LRRD1: variants seen among roughly 807,000 people sequenced by gnomAD.
LRRD1 encodes the protein leucine rich repeats and death domain containing 1, also known as leucine-rich repeat and death domain-containing protein 1.
A neutral mutation model predicts 69.5 loss-of-function variants in LRRD1; 49 were observed. That is an observed-to-expected ratio of 0.70 (90% confidence interval 0.56 to 0.89). The LOEUF (loss-of-function observed/expected upper bound fraction) is 0.89. Among genes scored for constraint, LRRD1 ranks in the 40% least tolerant of loss-of-function variants. LRRD1 has a pLI of 0.00. For synonymous variants in LRRD1, 303 were observed against 338.9 expected (o/e 0.89, Z 1.16); for missense variants, 853 against 956.0 (o/e 0.89, Z 1.42).
chr7:92,167,998 A>C (rs144417496), intron 1 of LRRD1, among the ~76,000 whole-genome samples: 138 of 151,808 alleles, frequency 9.1e-4, no homozygotes, highest in African/African-American at 3.2e-3. Context: ...TAAAATTGAC[A>C]CCACAAAAGC....
rs199560105 is a variant in LRRD1 at position 92,150,958 on chromosome 7, T to C, written c.2117-263A>G. 3.3e-5 allele frequency among the ~76,000 whole-genome samples: 5 copies of C among 152,360 alleles called. No homozygotes were observed. In the East Asian group the frequency reaches 9.6e-4, roughly 29 times the overall value. The stretch of plus-strand genomic sequence containing the variant: ...ACAGCAAAGAACTTTATAGAGTGGA[T>C]GTGATGGTAATTTTTAAACTAAACT... On this transcript the variant is annotated intron_variant, in intron 3 of 5. Transcript: ENST00000458448.
At chr7:92,178,130 G>C (rs1490904788) in intron 1 of LRRD1, among the ~76,000 whole-genome samples, 1 of 152,038 alleles carries the variant, frequency 6.6e-6, no homozygotes, top group East Asian at 1.9e-4. Flanking sequence ...TGGCTAACAC[G>C]GTGAAACCCC....
rs1788741921 is a variant in LRRD1, at chr7:92,159,068, G to T, written c.2053C>A (p.Gln685Lys). ...AAAGATGGTGGAAGATAACTTATTT[G>T]ATTATTGTATGCATGTAAACTAACC... ...NLVSLHAYNNQISYLPPSLLS... is the reference protein window; with the variant it reads ...NLVSLHAYNNKISYLPPSLLS... Residue 685 changes from glutamine (Q) to lysine (K), a missense_variant, in exon 3 of 6, where the codon CAA (glutamine) becomes AAA (lysine). Around this residue, in one of 3 missense-constraint regions of LRRD1, gnomAD observed 739 missense variants for 808.0 expected, o/e 0.91. Transcript: ENST00000458448. 1.3e-6 allele frequency: 2 copies of T among 1,546,032 alleles called. No homozygotes were observed. The highest frequency in any genetic ancestry group is 1.2e-5 in the South Asian group (1 of 82,536).
At chr7:92,168,809 G>C (rs1164892307) in intron 1 of LRRD1, among the ~76,000 whole-genome samples, 1 of 152,152 alleles carries the variant, frequency 6.6e-6, no homozygotes, top group South Asian at 2.1e-4. Flanking sequence ...AGAAATAACA[G>C]CAATCAGGGA....
intron 4 of LRRD1, among the ~76,000 whole-genome samples, chr7:92,147,039 G>A (rs781426261): frequency 4.0e-5 from 6 of 150,972 alleles, no homozygotes; most frequent in Non-Finnish European, 7.4e-5. Flanking sequence ...CACTTAAAAT[G>A]GCTGTTGAAA....
chr7:92,156,518 T>C (rs1788661255), intron 3 of LRRD1, among the ~76,000 whole-genome samples: 1 of 152,238 alleles, frequency 6.6e-6, no homozygotes, highest in Admixed American at 6.5e-5. Context: ...ATCTTATATG[T>C]AATTTGTTAG....
intron 1 of LRRD1, among the ~76,000 whole-genome samples, chr7:92,165,906 G>C (rs1420718512): frequency 6.6e-6 from 1 of 150,590 alleles, no homozygotes; most frequent in Non-Finnish European, 1.5e-5. Context: ...GGGAGAGCCA[G>C]TGGCCTACCA....
chr7:92,178,242 G>A (rs1789238646), intron 1 of LRRD1, among the ~76,000 whole-genome samples: 1 of 152,108 alleles, frequency 6.6e-6, no homozygotes, highest in African/African-American at 2.4e-5. Context: ...GAACCCGGGC[G>A]GTGGAGGTTG....
At chr7:92,152,545 C>G (rs1820498096) in intron 3 of LRRD1, among the ~76,000 whole-genome samples, 1 of 152,040 alleles carries the variant, frequency 6.6e-6, no homozygotes, top group African/African-American at 2.4e-5. Context: ...GTATGTACAA[C>G]TATATAAGAA....
chr7:92,153,303 G>A (rs1002142245), intron 3 of LRRD1, among the ~76,000 whole-genome samples: 2 of 151,786 alleles, frequency 1.3e-5, no homozygotes, highest in African/African-American at 4.8e-5. Flanking sequence ...GACCTCAAGC[G>A]ATCCACCTGC....
At chr7:92,149,958 G>T in intron 4 of LRRD1, 1 of 455,020 alleles carries the variant, frequency 2.2e-6, no homozygotes, top group Non-Finnish European at 4.4e-6. Flanking sequence ...ACCTATTGAA[G>T]GGCATTAAGG....
intron 4 of LRRD1, among the ~76,000 whole-genome samples, chr7:92,146,924 TAA>T (rs368643858): frequency 2.1e-4 from 25 of 119,460 alleles, no homozygotes; most frequent in Non-Finnish European, 2.3e-4. Context: ...CTCCGTCTCA[TAA>T]AAAAAAAAAA....
chr7:92,156,342 A>C (rs1271424337), intron 3 of LRRD1, among the ~76,000 whole-genome samples: 1 of 152,216 alleles, frequency 6.6e-6, no homozygotes, highest in Non-Finnish European at 1.5e-5. Context: ...GTTTTCTGAA[A>C]CAAAAAACTC....
At chr7:92,147,525 T>G (rs1380214212) in intron 4 of LRRD1, among the ~76,000 whole-genome samples, 2 of 149,116 alleles carry the variant, frequency 1.3e-5, no homozygotes. Flanking sequence ...GTGGAGAATA[T>G]GGGCAAAAAT....
chr7:92,144,397 G>A (rs1820258882), downstream of LRRD1, among the ~76,000 whole-genome samples: 1 of 152,124 alleles, frequency 6.6e-6, no homozygotes. Flanking sequence ...GGGAGGCCCA[G>A]GCGGGCAGAT....
At chr7:92,176,944 G>GTA (rs57132257) in intron 1 of LRRD1, among the ~76,000 whole-genome samples, 2,012 of 142,504 alleles carry the variant, frequency 0.014, 21 homozygotes, top group African/African-American at 0.037. Context: ...GTTTGTGTGT[G>GTA]TATATATATA....
In LRRD1 at chr7:92,164,353, C is replaced by A. The variant is rs1319638542; in HGVS notation, c.850G>T (p.Val284Phe). ...DTLPSLKTLR[V>F]LNLEYNQLTT... ...AACTGATTATATTCCAAATTGAGAACCCTCAAGGTTTTTAAACTAGGCAGA... is the reference window on the plus strand; with the variant it reads ...AACTGATTATATTCCAAATTGAGAAACCTCAAGGTTTTTAAACTAGGCAGA... Residue 284 changes from valine to phenylalanine, a missense_variant, in exon 2 of 6, where the codon GTT (valine) becomes TTT (phenylalanine). By Grantham distance (50) the Val-to-Phe change is conservative (BLOSUM62 -1). This residue lies in a region of LRRD1 where 739 missense variants were observed against 808.0 expected (regional missense o/e 0.91). Coordinates refer to ENST00000458448, the MANE Select transcript of LRRD1 (RefSeq NM_001161528.2). 1.6e-5 allele frequency: 25 copies of A among 1,549,532 alleles called. No homozygotes were observed. The highest frequency in any genetic ancestry group is 1.8e-5 in the Non-Finnish European group (21 of 1,146,328).
intron 1 of LRRD1, among the ~76,000 whole-genome samples, chr7:92,174,787 C>T (rs1456183520): frequency 2.0e-5 from 3 of 151,710 alleles, no homozygotes; most frequent in Admixed American, 6.6e-5. Context: ...CCAGGCTGGG[C>T]GTGGTGGCTC....
intron 1 of LRRD1, among the ~76,000 whole-genome samples, chr7:92,176,053 A>C (rs1210838351): frequency 6.6e-6 from 1 of 152,194 alleles, no homozygotes; most frequent in African/African-American, 2.4e-5. Flanking sequence ...TTTTCTTAAA[A>C]ACTATGGTGG....
Sources: gnomAD v4.1 joint callset for allele counts (sites outside exome capture counted in the v4.1 genomes callset) on GRCh38, gnomAD v4.1.1 for gene constraint, gnomAD v4.1.1 regional missense constraint, MANE v1.5 for transcripts, NCBI Gene and HGNC (gene_info 2026-07-23, HGNC 2026-07-21) for gene names.